Variants in LOXHD1 observed in about 807,000 individuals in gnomAD.
The protein encoded by LOXHD1 is lipoxygenase homology PLAT domains 1.
Under a neutral mutation model 248.2 loss-of-function variants are expected in LOXHD1, and 205 were observed. The ratio of observed to expected loss-of-function variants is 0.83; its 90% CI spans 0.74 to 0.93. LOXHD1 has a LOEUF of 0.93. LOXHD1 is among the 40% of genes least tolerant of loss of function. The pLI is 0.00. For missense variants in LOXHD1, 2,930 were observed against 2,971.6 expected (o/e 0.99, Z 0.33); for synonymous variants, 1,113 against 1,162.8 (o/e 0.96, Z 0.87).
At chr18:46,541,169 G>T (rs1315429141) in intron 25 of LOXHD1, among the ~76,000 whole-genome samples, 2 of 152,152 alleles carry the variant, frequency 1.3e-5, no homozygotes, top group African/African-American at 4.8e-5. Context: ...ACAGTGGAAA[G>T]GAAGTGTCAA....
Position 46,509,825 on chromosome 18 carries a change from GA to G in LOXHD1, c.5400-11del. Reference sequence around the variant, plus strand: ...CTGCTCCCGCTCAAACCTGGGGGTGGAGAGGAGGGGCATGAAGAAGGGAAGC... The same window carrying G: ...CTGCTCCCGCTCAAACCTGGGGGTGGGAGGAGGGGCATGAAGAAGGGAAGC... On this transcript the variant is annotated splice_polypyrimidine_tract_variant and intron_variant, in intron 34 of 40. Coordinates refer to ENST00000642948, the MANE Select transcript of LOXHD1 (RefSeq NM_001384474.1). The G allele has an allele frequency of 7.0e-7, 1 of 1,437,542 alleles. No individual in the cohort carries two copies. The highest frequency in any genetic ancestry group is 1.2e-5 in the South Asian group (1 of 82,580). 89.0% of individuals were successfully genotyped at this position (1,437,542 alleles called of 1,614,324 possible).
At chr18:46,546,014 G>GAGTC (rs1488574342) in intron 22 of LOXHD1, among the ~76,000 whole-genome samples, 1 of 151,932 alleles carries the variant, frequency 6.6e-6, no homozygotes, top group Admixed American at 6.6e-5. Context: ...GTAGAGATGT[G>GAGTC]AGTCCTCTGC....
At chr18:46,579,237 C>A (rs1050540601) in intron 13 of LOXHD1, among the ~76,000 whole-genome samples, 1 of 152,172 alleles carries the variant, frequency 6.6e-6, no homozygotes, top group Non-Finnish European at 1.5e-5. Flanking sequence ...CTCCGCCCAC[C>A]CCTGAGGTAA....
At chr18:46,551,088 T>TTTCTA (rs2037079700) in intron 21 of LOXHD1, among the ~76,000 whole-genome samples, 1 of 148,124 alleles carries the variant, frequency 6.8e-6, no homozygotes, top group African/African-American at 2.6e-5. Flanking sequence ...AACTCCTAAA[T>TTTCTA]TTCTTTTCTT....
intron 8 of LOXHD1, among the ~76,000 whole-genome samples, chr18:46,596,953 T>A (rs1054783827): frequency 6.6e-6 from 1 of 152,194 alleles, no homozygotes; most frequent in Non-Finnish European, 1.5e-5. Flanking sequence ...TTCTAAAGGG[T>A]ATCTTCAGGA....
At chr18:46,630,227 G>A (rs1239468482) in intron 4 of LOXHD1, among the ~76,000 whole-genome samples, 1 of 152,174 alleles carries the variant, frequency 6.6e-6, no homozygotes, top group African/African-American at 2.4e-5. Context: ...CAGCCCCCAG[G>A]TCAGCTGCAA....
intron 12 of LOXHD1, among the ~76,000 whole-genome samples, chr18:46,587,778 C>T (rs564977014): frequency 1.2e-4 from 18 of 152,258 alleles, no homozygotes; most frequent in South Asian, 8.3e-4. Context: ...GTGGAGAACA[C>T]GGATCTCATT....
At position 46,524,836 on chromosome 18, in the gene LOXHD1, C is replaced by A. The variant is rs576255815; in HGVS notation, c.4612G>T (p.Ala1538Ser). Residue 1538 changes from alanine (A) to serine (S), a missense_variant, in exon 30 of 41, where the codon GCA (alanine) becomes TCA (serine). Coordinates refer to ENST00000642948, the MANE Select transcript of LOXHD1 (RefSeq NM_001384474.1). ...KLRHDNSKWC[A>S]DWYVEKVEIW... ...TCCACCTTCTCCACGTACCAGTCTG[C>A]GCACCACTTGGAGTTGTCATGGCGG... is the stretch of plus-strand genomic sequence containing the variant. 6.4e-6 allele frequency: 10 copies of A among 1,551,770 alleles called. No homozygotes were observed. The highest frequency in any genetic ancestry group is 1.2e-5 in the South Asian group (1 of 84,064).
At position 46,547,012 on chromosome 18, in the gene LOXHD1, C is replaced by G. The variant is rs552985606; in HGVS notation, c.3397G>C (p.Gly1133Arg). 1 of 1,551,784 alleles carries G rather than the reference C, an allele frequency of 6.4e-7. No individual in the cohort carries two copies. The highest frequency in any genetic ancestry group is 1.4e-5 in the African/African-American group (1 of 73,184). The change falls in exon 22 of 41, where the codon GGC becomes CGC. Residue 1133 changes from glycine to arginine, a missense_variant. Coordinates refer to ENST00000642948, the MANE Select transcript of LOXHD1 (RefSeq NM_001384474.1). ...QRWLAVEEDDGQLSRELLPVD... is the reference protein window; with the variant it reads ...QRWLAVEEDDRQLSRELLPVD... ...GGCAACAGCTCCCTGGACAGCTGGC[C>G]ATCATCTTCCTCCACTGCCAGCCAA... is the stretch of plus-strand genomic sequence containing the variant.
intron 5 of LOXHD1, among the ~76,000 whole-genome samples, chr18:46,615,286 T>G (rs12608288): frequency 0.2 from 29,711 of 152,118 alleles, 3,358 homozygotes; most frequent in East Asian, 0.51. Context: ...AAGGGCCAGT[T>G]TTTCTCTCCC....
At chr18:46,616,940 G>C (rs60858435) in intron 5 of LOXHD1, among the ~76,000 whole-genome samples, 17,566 of 152,140 alleles carry the variant, frequency 0.12, 1,544 homozygotes, top group African/African-American at 0.26. Context: ...AAATTCTTGA[G>C]GATTTAATCT....
At position 46,633,563 on chromosome 18, in the gene LOXHD1, G is replaced by T. The variant is rs183413370; in HGVS notation, c.511+6053C>A. Among the ~76,000 whole-genome samples the T allele has an allele frequency of 1.2e-3, 177 of 152,148 alleles. 1 individual carries two copies. Among genetic ancestry groups the T allele is most frequent in the Middle Eastern group, 3.4e-3 (1 of 294 alleles). Reference sequence around the variant, plus strand: ...AAAAATCTTCATGACATTGACCTTGGCAATTTTTTAGATATGACACCTAAA... The same window carrying T: ...AAAAATCTTCATGACATTGACCTTGTCAATTTTTTAGATATGACACCTAAA... On this transcript the variant is annotated intron_variant, in intron 4 of 40. Transcript: ENST00000642948.
chr18:46,542,062 C>A, intron 24 of LOXHD1, 122 bp from the exon 25 acceptor site: 1 of 896,728 alleles, frequency 1.1e-6, no homozygotes, highest in Non-Finnish European at 1.6e-6. Context: ...AACATGACAT[C>A]CCTTTTGCTT....
intron 21 of LOXHD1, among the ~76,000 whole-genome samples, chr18:46,554,945 AT>A (rs200824438): frequency 2.6e-5 from 4 of 151,644 alleles, no homozygotes; most frequent in Admixed American, 2.6e-4. Flanking sequence ...TTCCAAGAGG[AT>A]TTTTTTTTCA....
chr18:46,655,536 C>T (rs2039169285), intron 1 of LOXHD1, among the ~76,000 whole-genome samples: 2 of 152,306 alleles, frequency 1.3e-5, no homozygotes, highest in South Asian at 2.1e-4. Flanking sequence ...CCTCCCAGCC[C>T]CTCCCCTCAC....
At chr18:46,494,075 C>T (rs2033672397) in intron 37 of LOXHD1, among the ~76,000 whole-genome samples, 1 of 152,286 alleles carries the variant, frequency 6.6e-6, no homozygotes, top group East Asian at 1.9e-4. Flanking sequence ...CTGCAATGCC[C>T]TCCAAAATCC....
intron 12 of LOXHD1, among the ~76,000 whole-genome samples, chr18:46,588,195 A>G (rs1414703802): frequency 2.0e-5 from 3 of 151,982 alleles, no homozygotes; most frequent in Non-Finnish European, 1.5e-5. Context: ...GTGAGTGAGG[A>G]CATAGGGGTG....
intron 14 of LOXHD1, among the ~76,000 whole-genome samples, chr18:46,574,002 T>C (rs1287087152): frequency 2.0e-5 from 3 of 151,706 alleles, no homozygotes; most frequent in Admixed American, 2.0e-4. Context: ...TCCCACTCCA[T>C]CTGTCCAGCT....
At chr18:46,649,821 T>C (rs969066574) in intron 1 of LOXHD1, among the ~76,000 whole-genome samples, 1 of 152,196 alleles carries the variant, frequency 6.6e-6, no homozygotes, top group African/African-American at 2.4e-5. Flanking sequence ...AAGCTTATTC[T>C]GTTTACTGTC....
Sources: gnomAD v4.1 joint callset for allele counts (sites outside exome capture counted in the v4.1 genomes callset) on GRCh38, gnomAD v4.1.1 for gene constraint, MANE v1.5 for transcripts, NCBI Gene and HGNC (gene_info 2026-07-23, HGNC 2026-07-21) for gene names.